IL6ST: variants seen among roughly 807,000 people sequenced by gnomAD.
IL6ST encodes interleukin-6 receptor subunit beta.
IL6ST carries 24 observed loss-of-function variants against 91.3 expected under a neutral mutation model. The observed-to-expected ratio is 0.26, with a 90% CI of 0.19 to 0.37. The LOEUF is 0.37. Among genes scored for constraint, IL6ST ranks in the 10% least tolerant of loss-of-function variants. IL6ST has a pLI of 1.00. For synonymous variants in IL6ST, 351 were observed against 373.6 expected (o/e 0.94, Z 0.70); for missense variants, 914 against 1,078.5 (o/e 0.85, Z 2.14).
intron 3 of IL6ST, among the ~76,000 whole-genome samples, chr5:55,971,808 C>T (rs1332234589): frequency 1.3e-5 from 2 of 152,110 alleles, no homozygotes; most frequent in Admixed American, 6.6e-5. Flanking sequence ...ACAGTTTTTG[C>T]AGTCAAAATT....
chr5:55,958,910 G>C (rs1752144651), intron 8 of IL6ST, among the ~76,000 whole-genome samples: 2 of 150,960 alleles, frequency 1.3e-5, no homozygotes, highest in African/African-American at 4.9e-5. Context: ...CAGCAAAACA[G>C]AAAGGATAGG....
rs376327228 is a variant in IL6ST at position 55,974,936 on chromosome 5, T to TACACAC, written c.64+1273_64+1278dup. 2.0e-4 allele frequency among the ~76,000 whole-genome samples: 29 copies of TACACAC among 147,346 alleles called. No individual in the cohort carries two copies. The East Asian group carries it at 2.2e-3, about 11-fold the overall frequency. ...GGGACAGCTGGGATAGTATTATTCA[T>TACACAC]ACACACACACACACACACATACACA... On this transcript the variant is annotated intron_variant, in intron 3 of 16. Coordinates refer to ENST00000381298, the MANE Select transcript of IL6ST (RefSeq NM_002184.4).
chr5:55,976,237 A>C lies in IL6ST; in HGVS notation c.42T>G (p.Ile14Met). 6.3e-7 allele frequency: 1 copy of C among 1,586,968 alleles called. No individual in the cohort carries two copies. The highest frequency in any genetic ancestry group is 8.6e-7 in the Non-Finnish European group (1 of 1,165,966). Residue 14 changes from isoleucine to methionine, a missense_variant, in exon 3 of 17, where the codon ATT (isoleucine) becomes ATG (methionine). Coordinates refer to ENST00000381298, the MANE Select transcript of IL6ST (RefSeq NM_002184.4). ...LQTWLVQALF[I>M]FLTTESTGEL... ...TACCTGTAGATTCAGTGGTGAGGAA[A>C]ATAAACAAGGCTTGCACTAGCCAAG... is the stretch of plus-strand genomic sequence containing the variant.
chr5:55,980,855 C>T (rs572801593), intron 2 of IL6ST, among the ~76,000 whole-genome samples: 1 of 152,138 alleles, frequency 6.6e-6, no homozygotes, highest in Admixed American at 6.5e-5. Context: ...TTATGCACTC[C>T]CTAATCATGT....
At chr5:55,951,174 A>G (rs1751608220) in intron 14 of IL6ST, among the ~76,000 whole-genome samples, 1 of 152,268 alleles carries the variant, frequency 6.6e-6, no homozygotes, top group South Asian at 2.1e-4. Flanking sequence ...ATGAGGATAG[A>G]GAAGGAAAGA....
intron 2 of IL6ST, among the ~76,000 whole-genome samples, chr5:55,980,153 G>A (rs959337488): frequency 3.3e-5 from 5 of 152,336 alleles, no homozygotes; most frequent in Non-Finnish European, 5.9e-5. Flanking sequence ...GTATTTGAGA[G>A]ATCAGGGTGG....
chr5:55,957,171 AG>A (rs1752035247), intron 9 of IL6ST, 37 bp downstream of exon 9: 1 of 1,097,958 alleles, frequency 9.1e-7, no homozygotes, highest in Non-Finnish European at 1.3e-6. Context: ...AAAAAAAAAA[AG>A]ATTTATAAGA....
intron 16 of IL6ST, 28 bp downstream of exon 16, chr5:55,942,642 T>TAAAC (rs747614723): frequency 1.3e-5 from 17 of 1,291,306 alleles, no homozygotes; most frequent in Non-Finnish European, 1.7e-5. Flanking sequence ...CTGTATATTA[T>TAAAC]AAACAACTCA....
chr5:55,941,697 G>C lies in IL6ST; in HGVS notation c.2142C>G (p.Phe714Leu). ...CTTCAGTATTAATTTTTTCCTTTTT[G>C]AACAGGTCCAATGATTTCAGATCTT... Reference protein sequence around the residue: ...FPEDLKSLDLFKKEKINTEGH... With the variant: ...FPEDLKSLDLLKKEKINTEGH... The change falls in exon 17 of 17, where the codon TTC becomes TTG. Residue 714 changes from phenylalanine (F) to leucine (L), a missense_variant. Coordinates refer to ENST00000381298, the MANE Select transcript of IL6ST (RefSeq NM_002184.4). 1.2e-6 allele frequency: 2 copies of C among 1,613,908 alleles called. No homozygotes were observed. Among genetic ancestry groups the C allele is most frequent in the Non-Finnish European group, 1.7e-6 (2 of 1,179,996 alleles).
At position 55,954,924 on chromosome 5, in the gene IL6ST, G is replaced by T. The variant is rs1751865492; in HGVS notation, c.1336C>A (p.Pro446Thr). Reference protein sequence around the residue: ...DNMLWVEWTTPRESVKKYILE... With the variant: ...DNMLWVEWTTTRESVKKYILE... Reference sequence around the variant, plus strand: ...ATATATTTCTTTACAGATTCCCTTGGAGTAGTCCATTCCACCCAAAGCATG... The same window carrying T: ...ATATATTTCTTTACAGATTCCCTTGTAGTAGTCCATTCCACCCAAAGCATG... Residue 446 changes from proline to threonine, a missense_variant, in exon 11 of 17, where the codon CCA becomes ACA. Coordinates refer to ENST00000381298, the MANE Select transcript of IL6ST (RefSeq NM_002184.4). 6.2e-7 allele frequency: 1 copy of T among 1,613,038 alleles called. No individual in the cohort carries two copies. Among genetic ancestry groups the T allele is most frequent in the Non-Finnish European group, 8.5e-7 (1 of 1,179,178 alleles).
At position 55,939,764 on chromosome 5, in the gene IL6ST, G is replaced by C; in HGVS notation, c.*1318C>G. The C allele has an allele frequency of 4.8e-6, 1 of 207,904 alleles. No homozygotes were observed. 12.9% of individuals were successfully genotyped at this position (207,904 alleles called of 1,614,324 possible). A position where few individuals can be genotyped will look rare whatever the true frequency, so the allele number is the denominator to read the frequency against. On this transcript the variant is annotated 3_prime_UTR_variant, in exon 17 of 17. Coordinates refer to ENST00000381298, the MANE Select transcript of IL6ST (RefSeq NM_002184.4). ...GGCTTTAGCACTAAACTCGAGGCCT[G>C]GGTCACTTCTCCCTTGAAGAAAAAA...
rs771568792 is a variant in IL6ST, at chr5:55,964,166, T to C, written c.638A>G (p.Asn213Ser). 8 of 1,600,894 alleles carry C rather than the reference T, an allele frequency of 5.0e-6. No individual in the cohort carries two copies. The East Asian group carries it at 6.8e-5, about 14-fold the overall frequency. The change falls in exon 6 of 17, where the codon AAT (asparagine) becomes AGT (serine). Residue 213 changes from asparagine (N) to serine (S), a missense_variant. Transcript: ENST00000381298. ...ACTACCTTTATATACAGGATCAAAA[T>C]TGATATGATCTGATGTAACCTTCCC... ...ALGKVTSDHI[N>S]FDPVYKVKPN...
At chr5:55,977,312 C>G (rs1030135307) in intron 2 of IL6ST, among the ~76,000 whole-genome samples, 2 of 151,768 alleles carry the variant, frequency 1.3e-5, no homozygotes, top group African/African-American at 4.8e-5. Context: ...CAGGCTGTCT[C>G]AAACTCCTGG....
chr5:55,947,057 A>G (rs1386688169), intron 15 of IL6ST, among the ~76,000 whole-genome samples: 6 of 152,042 alleles, frequency 3.9e-5, no homozygotes, highest in Admixed American at 3.9e-4. Context: ...ACAAAAAATT[A>G]GCTGGGTGTG....
rs968204288 is a variant in IL6ST at position 55,983,068 on chromosome 5, C to A, written c.-103-257G>T. ...AGGCTGCAGTGCAGTAGCACAATTA[C>A]AGCTCACTGCAGCTTGAACTTCCCA... On this transcript the variant is annotated intron_variant, in intron 1 of 16. Transcript: ENST00000381298. Among the ~76,000 whole-genome samples the A allele has an allele frequency of 2.0e-5, 3 of 150,158 alleles. No individual in the cohort carries two copies. In the Admixed American group the frequency reaches 2.0e-4, roughly 10 times the overall value.
At chr5:55,950,614 CTG>C in intron 14 of IL6ST, among the ~76,000 whole-genome samples, 1 of 148,348 alleles carries the variant, frequency 6.7e-6, no homozygotes, top group South Asian at 2.1e-4. Context: ...ACTCAGGAGA[CTG>C]TGCTAGCAGA....
At chr5:55,959,996 C>T (rs187893416) in intron 8 of IL6ST, among the ~76,000 whole-genome samples, 2,058 of 152,126 alleles carry the variant, frequency 0.014, 31 homozygotes, top group South Asian at 0.047. Context: ...AGCGATTCTC[C>T]TGCCTCAGCC....
intron 2 of IL6ST, among the ~76,000 whole-genome samples, chr5:55,982,391 G>A (rs1052512514): frequency 1.3e-4 from 20 of 152,082 alleles, no homozygotes; most frequent in Admixed American, 1.2e-3. Context: ...AATAAGTTGC[G>A]TGGGGATCAA....
Position 55,938,278 on chromosome 5 carries a change from CT to C in IL6ST, c.*2803del. 1 of 191,894 alleles carries C rather than the reference CT, an allele frequency of 5.2e-6. No individual in the cohort carries two copies. 11.9% of individuals were successfully genotyped at this position (191,894 alleles called of 1,614,324 possible). A position where few individuals can be genotyped will look rare whatever the true frequency, so the allele number is the denominator to read the frequency against. ...ACACAGAACATGTGAATGAAATTTG[CT>C]TTTTTTCCTTGCTGCTGTTCCCGAG... On this transcript the variant is annotated 3_prime_UTR_variant, in exon 17 of 17. Transcript: ENST00000381298.
Sources: allele counts gnomAD v4.1 joint callset (sites outside exome capture counted in the v4.1 genomes callset), GRCh38; gene constraint gnomAD v4.1.1; transcripts MANE v1.5; gene names NCBI Gene and HGNC (gene_info 2026-07-23, HGNC 2026-07-21).